The following FAT3 variants were observed in gnomAD, a reference collection of about 807,000 sequenced individuals.
The protein encoded by FAT3 is FAT atypical cadherin 3.
In FAT3, 95 loss-of-function variants were observed where a neutral mutation model predicts 310.2. The ratio of observed to expected loss-of-function variants is 0.31; its 90% confidence interval spans 0.26 to 0.36. The LOEUF (loss-of-function observed/expected upper bound fraction) is 0.36, where lower values mean the gene tolerates loss of function less well. Ranked by LOEUF, FAT3 falls within the 10% of genes least tolerant of loss-of-function variation. FAT3 has a pLI of 1.00. For missense variants in FAT3, 5,408 were observed against 5,715.6 expected, an observed-to-expected ratio of 0.95 and a Z score of 1.74; for synonymous variants, 2,314 against 2,192.9, an observed-to-expected ratio of 1.06 and a Z score of -1.54.
At chr11:92,558,882 T>G (rs1955116916) in intron 3 of FAT3, among the ~76,000 whole-genome samples, 1 of 152,124 alleles carries the variant, frequency 6.6e-6, no homozygotes, top group Admixed American at 6.6e-5. Flanking sequence ...TTAATATCAG[T>G]GAAAAGTCTT....
At chr11:92,392,823 C>T (rs1949779573) in intron 2 of FAT3, among the ~76,000 whole-genome samples, 1 of 152,198 alleles carries the variant, frequency 6.6e-6, no homozygotes, top group Non-Finnish European at 1.5e-5. Flanking sequence ...GATTGTTGCT[C>T]TTGAAGCCCC....
intron 3 of FAT3, among the ~76,000 whole-genome samples, chr11:92,592,089 C>T (rs778220547): frequency 5.3e-5 from 8 of 151,916 alleles, no homozygotes; most frequent in Admixed American, 1.3e-4. Flanking sequence ...AAACGAGAAA[C>T]GATGAGGTGG....
intron 7 of FAT3, among the ~76,000 whole-genome samples, chr11:92,784,063 G>A (rs915031024): frequency 6.6e-5 from 10 of 152,130 alleles, no homozygotes; most frequent in South Asian, 4.1e-4. Context: ...TAATGCACAC[G>A]GAAATGATAG....
intron 3 of FAT3, among the ~76,000 whole-genome samples, chr11:92,571,718 T>A (rs1955669638): frequency 6.6e-6 from 1 of 152,348 alleles, no homozygotes; most frequent in African/African-American, 2.4e-5. Flanking sequence ...TTTCTCTCTC[T>A]GCATCTCCTT....
chr11:92,741,134 T>A (rs1945496176), intron 4 of FAT3, among the ~76,000 whole-genome samples: 1 of 152,176 alleles, frequency 6.6e-6, no homozygotes, highest in Non-Finnish European at 1.5e-5. Flanking sequence ...CTGCACTTTT[T>A]GTGCTCAAGC....
intron 2 of FAT3, among the ~76,000 whole-genome samples, chr11:92,445,461 G>A (rs1951186382): frequency 1.3e-5 from 2 of 151,930 alleles, no homozygotes; most frequent in Admixed American, 6.6e-5. Flanking sequence ...CTTTCAAGGA[G>A]GGGAAAAAAA....
Position 92,800,187 on chromosome 11 carries a change from C to T in FAT3, c.7174C>T (p.Pro2392Ser). Residue 2392 changes from proline to serine, a missense_variant, in exon 10 of 28, where the codon CCA (proline) becomes TCA (serine). By Grantham distance (74) the Pro-to-Ser change is moderately conservative. This residue lies in a region of FAT3 where 4,588 missense variants were observed against 4,809.8 expected (regional missense o/e 0.95). Coordinates refer to ENST00000525166, the MANE Select transcript of FAT3 (RefSeq NM_001367949.2). ...IYISDVNDNP[P>S]VFNQLIYESY... ...CATCTCTGATGTAAATGACAACCCT[C>T]CAGTTTTTAATCAGCTCATTTATGA... 6.2e-7 allele frequency: 1 copy of T among 1,613,988 alleles called. No homozygotes were observed.
At chr11:92,880,941 C>G (rs1468876582) in intron 23 of FAT3, 57 bp downstream of exon 23, 10 of 1,562,512 alleles carry the variant, frequency 6.4e-6, no homozygotes, top group Non-Finnish European at 8.7e-6. Context: ...CTACAACAAA[C>G]CAGTAAACAA....
At chr11:92,400,373 G>A (rs745574758) in intron 2 of FAT3, 12 of 152,096 alleles carry the variant, frequency 7.9e-5, no homozygotes, top group Non-Finnish European at 1.8e-4. Flanking sequence ...GACTTTGATT[G>A]TGTCCTTCTA....
chr11:92,249,626 C>A (rs1026717311), intron 1 of FAT3, among the ~76,000 whole-genome samples: 1 of 152,056 alleles, frequency 6.6e-6, no homozygotes, highest in African/African-American at 2.4e-5. Context: ...GACTGATACT[C>A]GTATCACAGT....
Position 92,844,461 on chromosome 11 carries a change from A to G in FAT3, c.11094A>G (p.Gln3698=), listed in dbSNP as rs772095356. The change falls in exon 19 of 28, where the codon CAA becomes CAG. Residue 3698 remains glutamine (Q), a synonymous_variant. Transcript: ENST00000525166. ...ISIQPVAGTN[Q]LDMLFAVEMH... is the part of the protein sequence containing the mutation. ...TCCAGCCCGTGGCAGGCACCAACCA[A>G]CTGGACATGCTGTTTGCGGTGGAGA... The G allele has an allele frequency of 1.2e-6, 2 of 1,613,964 alleles. No individual in the cohort carries two copies. Among genetic ancestry groups the G allele is most frequent in the East Asian group, 4.5e-5 (2 of 44,874 alleles).
At chr11:92,665,981 G>A (rs1351680971) in intron 3 of FAT3, among the ~76,000 whole-genome samples, 1 of 152,046 alleles carries the variant, frequency 6.6e-6, no homozygotes, top group African/African-American at 2.4e-5. Context: ...GACCAGCCTG[G>A]ACAACATAGC....
intron 2 of FAT3, among the ~76,000 whole-genome samples, chr11:92,452,158 A>T (rs1951371837): frequency 1.3e-5 from 2 of 152,178 alleles, no homozygotes; most frequent in Non-Finnish European, 2.9e-5. Flanking sequence ...CTGTGGGTAT[A>T]CTGTCAACCA....
At chr11:92,532,037 T>G (rs1220937130) in intron 3 of FAT3, among the ~76,000 whole-genome samples, 1 of 152,096 alleles carries the variant, frequency 6.6e-6, no homozygotes, top group Non-Finnish European at 1.5e-5. Flanking sequence ...TGGAATACTT[T>G]ACAGAACCCC....
chr11:92,415,850 T>C (rs1445270093), intron 2 of FAT3, among the ~76,000 whole-genome samples: 1 of 77,938 alleles, frequency 1.3e-5, no homozygotes, highest in Non-Finnish European at 2.2e-5. Context: ...GCATTTTTGC[T>C]TTTTTTTTTT....
chr11:92,875,891 A>G (rs1425288795), intron 22 of FAT3, among the ~76,000 whole-genome samples: 1 of 152,224 alleles, frequency 6.6e-6, no homozygotes, highest in Non-Finnish European at 1.5e-5. Flanking sequence ...CTCTAGAGGT[A>G]GTGTCTTATT....
chr11:92,694,554 G>C lies in FAT3; in HGVS notation c.3608-2830G>C, dbSNP rs181559470. Among the ~76,000 whole-genome samples, 174 of 152,294 alleles carry C rather than the reference G, an allele frequency of 1.1e-3. 1 individual carries two copies. The highest frequency in any genetic ancestry group is 4.6e-4 in the Non-Finnish European group (31 of 68,038). On this transcript the variant is annotated intron_variant, in intron 3 of 27. Coordinates refer to ENST00000525166, the MANE Select transcript of FAT3 (RefSeq NM_001367949.2). ...ACATGTAGGCATTGTGAAAACAAGT[G>C]AATGTCCTAAAGAATCGCCCTGAGA...
At chr11:92,776,315 TC>T (rs1946596563) in intron 7 of FAT3, among the ~76,000 whole-genome samples, 2 of 152,214 alleles carry the variant, frequency 1.3e-5, no homozygotes, top group African/African-American at 4.8e-5. Flanking sequence ...ATGCTGGATC[TC>T]CAAAGCACAA....
intron 19 of FAT3, among the ~76,000 whole-genome samples, chr11:92,853,660 C>G (rs780115676): frequency 6.6e-6 from 1 of 152,080 alleles, no homozygotes; most frequent in Non-Finnish European, 1.5e-5. Context: ...TGGGTAGCCC[C>G]TTACTGCAGG....
Sources: gnomAD v4.1 joint callset for allele counts (sites outside exome capture counted in the v4.1 genomes callset) on GRCh38, gnomAD v4.1.1 for gene constraint, gnomAD v4.1.1 regional missense constraint, MANE v1.5 for transcripts, NCBI Gene and HGNC (gene_info 2026-07-23, HGNC 2026-07-21) for gene names.